Variants in KSR2 observed in about 807,000 individuals in gnomAD.
KSR2 encodes the protein kinase suppressor of ras 2.
KSR2 carries 25 observed loss-of-function variants against 107.8 expected under a neutral mutation model. That is an observed-to-expected ratio of 0.23 (90% CI 0.17 to 0.32). The LOEUF is 0.32. KSR2 is among the 10% of genes least tolerant of loss of function. The pLI is 1.00. For missense variants in KSR2, 887 were observed against 1,268.9 expected (o/e 0.70, Z 4.57); for synonymous variants, 480 against 507.0 (o/e 0.95, Z 0.71).
intron 3 of KSR2, among the ~76,000 whole-genome samples, chr12:117,839,505 G>C: frequency 6.6e-6 from 1 of 152,134 alleles, no homozygotes; most frequent in African/African-American, 2.4e-5. Flanking sequence ...CTCAAAATCA[G>C]CTCAGAACAC....
intron 3 of KSR2, among the ~76,000 whole-genome samples, chr12:117,812,297 G>T (rs1017834445): frequency 6.6e-6 from 1 of 152,122 alleles, no homozygotes; most frequent in African/African-American, 2.4e-5. Context: ...ATTTTATATT[G>T]ATGACATGTT....
chr12:117,762,224 C>A (rs1889061572), intron 3 of KSR2, among the ~76,000 whole-genome samples: 1 of 152,230 alleles, frequency 6.6e-6, no homozygotes, highest in Non-Finnish European at 1.5e-5. Context: ...TAAAGGATAA[C>A]TTTTCCCTTA....
intron 5 of KSR2, among the ~76,000 whole-genome samples, chr12:117,646,358 A>G (rs1174643387): frequency 6.6e-6 from 1 of 152,168 alleles, no homozygotes; most frequent in Non-Finnish European, 1.5e-5. Flanking sequence ...ATGCAGTATC[A>G]GCTCACTGGG....
At chr12:117,837,196 C>T (rs1003966869) in intron 3 of KSR2, among the ~76,000 whole-genome samples, 4 of 152,176 alleles carry the variant, frequency 2.6e-5, no homozygotes, top group African/African-American at 9.7e-5. Flanking sequence ...TCCAGCCTGC[C>T]TGCCGAGAAA....
intron 3 of KSR2, among the ~76,000 whole-genome samples, chr12:117,798,916 A>G (rs1890733705): frequency 6.6e-6 from 1 of 152,218 alleles, no homozygotes; most frequent in African/African-American, 2.4e-5. Context: ...AAAAGGAATG[A>G]TGTTCTAACA....
At chr12:117,895,300 G>A (rs1171128403) in intron 1 of KSR2, among the ~76,000 whole-genome samples, 1 of 152,012 alleles carries the variant, frequency 6.6e-6, no homozygotes, top group Admixed American at 6.6e-5. Context: ...TGTGCCCAAG[G>A]GGAGTGCCTC....
At chr12:117,573,775 C>T (rs1317184225) in intron 7 of KSR2, among the ~76,000 whole-genome samples, 14 of 151,962 alleles carry the variant, frequency 9.2e-5, no homozygotes, top group Admixed American at 2.0e-4. Context: ...ATGATCCACC[C>T]GCTTCAGCCA....
Position 117,487,766 on chromosome 12 carries a change from G to A in KSR2, c.2220-2075C>T, listed in dbSNP as rs571140855. Among the ~76,000 whole-genome samples, 4 of 152,164 alleles carry A rather than the reference G, an allele frequency of 2.6e-5. No homozygotes were observed. The South Asian group carries it at 6.3e-4, about 24-fold the overall frequency. On this transcript the variant is annotated intron_variant, in intron 14 of 19. Coordinates refer to ENST00000339824, the MANE Select transcript of KSR2 (RefSeq NM_173598.6). The stretch of plus-strand genomic sequence containing the variant: ...AAAGTCTCAAGCTTCAGATTTCCAC[G>A]CCTTGTCTTCTTTCCCTCCTTACAA...
intron 1 of KSR2, among the ~76,000 whole-genome samples, chr12:117,929,149 A>G (rs1254543181): frequency 1.3e-5 from 2 of 152,206 alleles, no homozygotes; most frequent in African/African-American, 4.8e-5. Flanking sequence ...GGTTAGAAAC[A>G]GCATTAATAT....
intron 4 of KSR2, among the ~76,000 whole-genome samples, chr12:117,758,862 C>G (rs1266730028): frequency 6.6e-6 from 1 of 152,108 alleles, no homozygotes; most frequent in African/African-American, 2.4e-5. Flanking sequence ...CAGGGAGAAG[C>G]ACAAAGTGTG....
chr12:117,529,887 G>A (rs1290045815), intron 12 of KSR2, among the ~76,000 whole-genome samples: 1 of 151,958 alleles, frequency 6.6e-6, no homozygotes, highest in Non-Finnish European at 1.5e-5. Context: ...TGGGTGTGGT[G>A]GCACACACCT....
chr12:117,808,631 T>C (rs543792880), intron 3 of KSR2, among the ~76,000 whole-genome samples: 3 of 152,268 alleles, frequency 2.0e-5, no homozygotes, highest in African/African-American at 7.2e-5. Flanking sequence ...TAAGAAAACG[T>C]AGCATGTCTA....
At chr12:117,872,967 C>T (rs1217579699) in intron 1 of KSR2, among the ~76,000 whole-genome samples, 1 of 152,146 alleles carries the variant, frequency 6.6e-6, no homozygotes, top group Non-Finnish European at 1.5e-5. Flanking sequence ...ATGCAAATCA[C>T]AAGGCCACGT....
intron 14 of KSR2, among the ~76,000 whole-genome samples, chr12:117,523,678 A>G (rs1874916696): frequency 6.6e-6 from 1 of 152,176 alleles, no homozygotes; most frequent in African/African-American, 2.4e-5. Context: ...TTTCATGAAA[A>G]CCAGAGTAAC....
At chr12:117,915,103 T>C (rs907112153) in intron 1 of KSR2, among the ~76,000 whole-genome samples, 4 of 152,200 alleles carry the variant, frequency 2.6e-5, no homozygotes, top group African/African-American at 9.7e-5. Flanking sequence ...AAAATGAAGA[T>C]TCAAGATCTG....
intron 1 of KSR2, among the ~76,000 whole-genome samples, chr12:117,962,994 G>C (rs375803470): frequency 2.6e-5 from 4 of 151,170 alleles, no homozygotes; most frequent in East Asian, 2.0e-4. Flanking sequence ...AGACCAGCCT[G>C]GCCAATAGGC....
chr12:117,816,003 G>A (rs1891356460), intron 3 of KSR2, among the ~76,000 whole-genome samples: 1 of 116,250 alleles, frequency 8.6e-6, no homozygotes, highest in Admixed American at 7.7e-5. Context: ...GTGTGTGTGT[G>A]TGTGTGTGTG....
At chr12:117,566,026 C>G (rs569009980) in intron 7 of KSR2, among the ~76,000 whole-genome samples, 244 of 152,186 alleles carry the variant, frequency 1.6e-3, no homozygotes, top group Non-Finnish European at 2.9e-3. Flanking sequence ...AAACTCATGT[C>G]GTGCCACGGG....
intron 4 of KSR2, among the ~76,000 whole-genome samples, chr12:117,711,192 G>C (rs55759798): frequency 6.6e-6 from 1 of 152,260 alleles, no homozygotes; most frequent in South Asian, 2.1e-4. Flanking sequence ...ACATGAGATA[G>C]ATAAAACAAT....
Sources: allele counts gnomAD v4.1 joint callset (sites outside exome capture counted in the v4.1 genomes callset), GRCh38; gene constraint gnomAD v4.1.1; transcripts MANE v1.5; gene names NCBI Gene and HGNC (gene_info 2026-07-23, HGNC 2026-07-21).